Variants in DNAH5 observed in about 807,000 individuals in gnomAD.
DNAH5 encodes the protein dynein axonemal heavy chain 5, also known as axonemal beta dynein heavy chain 5.
DNAH5 carries 372 observed loss-of-function variants against 518.2 expected under a neutral mutation model. That is an observed-to-expected ratio of 0.72 (90% CI 0.66 to 0.78). DNAH5 has a LOEUF of 0.78. DNAH5 is among the 30% of genes least tolerant of loss of function. DNAH5 has a pLI of 0.00. For missense variants in DNAH5, 5,523 were observed against 5,687.0 expected, an observed-to-expected ratio of 0.97 and a Z score of 0.93; for synonymous variants, 2,039 against 2,025.9, an observed-to-expected ratio of 1.01 and a Z score of -0.17.
At chr5:13,795,908 T>A (rs1757748912) in intron 47 of DNAH5, among the ~76,000 whole-genome samples, 1 of 152,188 alleles carries the variant, frequency 6.6e-6, no homozygotes, top group Admixed American at 6.5e-5. Flanking sequence ...ATGCAATCAA[T>A]AAATGTAATC....
At chr5:13,812,814 C>A (rs1474342026) in intron 43 of DNAH5, among the ~76,000 whole-genome samples, 2 of 152,302 alleles carry the variant, frequency 1.3e-5, no homozygotes, top group East Asian at 1.9e-4. Context: ...GAGGCAAGTT[C>A]TCTTAAGGTC....
chr5:13,808,742 G>C (rs559831029), intron 46 of DNAH5, among the ~76,000 whole-genome samples: 3 of 151,766 alleles, frequency 2.0e-5, no homozygotes, highest in African/African-American at 4.8e-5. Context: ...GGCGGATCAC[G>C]AGGTCAGGAG....
At chr5:13,768,441 A>C (rs1752823575) in intron 58 of DNAH5, among the ~76,000 whole-genome samples, 1 of 152,208 alleles carries the variant, frequency 6.6e-6, no homozygotes, top group Non-Finnish European at 1.5e-5. Flanking sequence ...ACCCCGTCTC[A>C]GGTAACATCT....
chr5:13,751,053 T>C (rs373135912), intron 65 of DNAH5, 25 bp downstream of exon 65: 2 of 1,612,134 alleles, frequency 1.2e-6, no homozygotes, highest in Non-Finnish European at 8.5e-7. Context: ...CAATGCAGAA[T>C]GGGAGGGAGC....
At chr5:13,936,690 G>T (rs1186767411) in intron 1 of DNAH5, among the ~76,000 whole-genome samples, 4 of 152,148 alleles carry the variant, frequency 2.6e-5, no homozygotes, top group African/African-American at 4.8e-5. Context: ...CATGACCAAG[G>T]ATTTGATCCT....
chr5:13,733,041 A>G (rs372082079), intron 68 of DNAH5, among the ~76,000 whole-genome samples: 42 of 152,298 alleles, frequency 2.8e-4, no homozygotes, highest in African/African-American at 8.4e-4. Context: ...TACAAGCATC[A>G]GACTAATCAA....
intron 61 of DNAH5, among the ~76,000 whole-genome samples, chr5:13,756,095 C>T (rs1750964523): frequency 6.6e-6 from 1 of 152,226 alleles, no homozygotes; most frequent in Non-Finnish European, 1.5e-5. Flanking sequence ...AGGTGACTGG[C>T]TCTCCAGCAG....
intron 3 of DNAH5, among the ~76,000 whole-genome samples, chr5:13,925,287 A>C (rs975770511): frequency 1.3e-5 from 2 of 152,182 alleles, no homozygotes; most frequent in Non-Finnish European, 2.9e-5. Flanking sequence ...AGGAAAAAAA[A>C]ATCTGCAGAA....
intron 58 of DNAH5, among the ~76,000 whole-genome samples, chr5:13,766,414 G>C (rs1206058797): frequency 6.6e-6 from 1 of 152,190 alleles, no homozygotes; most frequent in African/African-American, 2.4e-5. Flanking sequence ...AGCAGATAAG[G>C]AGCTGTGACT....
chr5:13,847,964 G>A (rs1479659521), intron 31 of DNAH5, among the ~76,000 whole-genome samples: 4 of 152,174 alleles, frequency 2.6e-5, no homozygotes, highest in Admixed American at 2.6e-4. Flanking sequence ...TCCAGAGCAG[G>A]GAAACTTTCA....
intron 53 of DNAH5, among the ~76,000 whole-genome samples, chr5:13,779,310 T>C (rs1439123776): frequency 6.6e-6 from 1 of 152,204 alleles, no homozygotes; most frequent in African/African-American, 2.4e-5. Context: ...AATAAAACAG[T>C]AATCTTTGGA....
intron 78 of DNAH5, among the ~76,000 whole-genome samples, chr5:13,696,375 G>A (rs750539964): frequency 2.6e-5 from 4 of 152,034 alleles, no homozygotes; most frequent in Admixed American, 6.5e-5. Context: ...TGGCTTTACC[G>A]TCTTGGTGAA....
chr5:13,931,325 T>C (rs1435838814), intron 1 of DNAH5, 81 bp from the exon 2 acceptor site: 52 of 1,584,934 alleles, frequency 3.3e-5, no homozygotes, highest in Non-Finnish European at 4.4e-5. Context: ...ATACAATTGT[T>C]GTTTTTTCAA....
intron 17 of DNAH5, among the ~76,000 whole-genome samples, chr5:13,886,627 C>G (rs1279847192): frequency 6.6e-6 from 1 of 152,142 alleles, no homozygotes; most frequent in African/African-American, 2.4e-5. Flanking sequence ...ATTAGGTAGA[C>G]AGATAGTTAT....
chr5:13,923,192 A>G lies in DNAH5; in HGVS notation c.438+88T>C. 4 of 1,544,272 alleles carry G rather than the reference A, an allele frequency of 2.6e-6. No individual in the cohort carries two copies. The South Asian group carries it at 3.4e-5, about 13-fold the overall frequency. ...AGTAGTTTTAGATACTGTAGTGAAT[A>G]CAATGATTGTCTCCACCAGAGGAAT... On this transcript the variant is annotated intron_variant, in intron 4 of 78. Transcript: ENST00000265104.
intron 52 of DNAH5, among the ~76,000 whole-genome samples, chr5:13,781,958 G>A (rs1392037375): frequency 2.0e-5 from 3 of 152,168 alleles, no homozygotes; most frequent in Admixed American, 6.5e-5. Flanking sequence ...CTATTCCACA[G>A]CCCCCTTGTG....
Position 13,692,131 on chromosome 5 carries a change from TA to T in DNAH5, c.13727del (p.Leu4576TyrfsTer20). Reference sequence around the variant, plus strand: ...GACAGGAGTAAAACCGAGGATCTCGTAAAGCTACAAAAAACATAAAAGAAAA... The same window carrying T: ...GACAGGAGTAAAACCGAGGATCTCGTAAGCTACAAAAAACATAAAAGAAAA... The part of the protein sequence containing the change: ...VIRIYAENNT[L>X]RDPRFYSCPI... On this transcript the variant is annotated frameshift_variant, in exon 79 of 79. Coordinates refer to ENST00000265104, the MANE Select transcript of DNAH5 (RefSeq NM_001369.3). LOFTEE classifies it high-confidence loss of function. The T allele has an allele frequency of 1.2e-6, 2 of 1,613,964 alleles. No individual in the cohort carries two copies. The highest frequency in any genetic ancestry group is 2.2e-5 in the East Asian group (1 of 44,840).
intron 1 of DNAH5, among the ~76,000 whole-genome samples, chr5:13,977,855 C>G (rs1290944947): frequency 6.6e-6 from 1 of 152,116 alleles, no homozygotes; most frequent in Non-Finnish European, 1.5e-5. Context: ...ATTTTCTTCC[C>G]TTTATCTTAT....
rs771825187 is a variant in DNAH5 at position 13,770,779 on chromosome 5, T to C, written c.9575A>G (p.Lys3192Arg). The change falls in exon 56 of 79, where the codon AAG becomes AGG. Residue 3192 changes from lysine (K) to arginine (R), a missense_variant. Lys to Arg is a conservative substitution (Grantham distance 26, BLOSUM62 2). This residue lies in a region of DNAH5 where 5,121 missense variants were observed against 5,223.3 expected (regional missense o/e 0.98). Transcript: ENST00000265104. ...GGCCAGGGTCCGCACCTCCACATGC[T>C]TTTCTCCATATATGAACTTATAGCC... Reference protein sequence around the residue: ...IQGYKFIYGEKHVEVRTLANR... With the variant: ...IQGYKFIYGERHVEVRTLANR... The C allele has an allele frequency of 1.9e-6, 3 of 1,614,038 alleles. No homozygotes were observed. The Admixed American group carries it at 5.0e-5, about 27-fold the overall frequency.
Sources: allele counts gnomAD v4.1 joint callset (sites outside exome capture counted in the v4.1 genomes callset), GRCh38; gene constraint gnomAD v4.1.1; regional missense constraint gnomAD v4.1.1; transcripts MANE v1.5; gene names NCBI Gene and HGNC (gene_info 2026-07-23, HGNC 2026-07-21).